DAB1: variants seen among roughly 807,000 people sequenced by gnomAD.
DAB1 encodes disabled homolog 1.
A neutral mutation model predicts 64.6 loss-of-function variants in DAB1; 15 were observed. The observed-to-expected ratio is 0.23, with a 90% CI of 0.16 to 0.36. The LOEUF (loss-of-function observed/expected upper bound fraction) is 0.36. DAB1 is among the 10% of genes least tolerant of loss of function. The pLI is 1.00. For synonymous variants in DAB1, 235 were observed against 251.9 expected, an observed-to-expected ratio of 0.93 and a Z score of 0.64; for missense variants, 596 against 706.7, an observed-to-expected ratio of 0.84 and a Z score of 1.78.
At chr1:57,100,089 G>A (rs1179696672) in intron 4 of DAB1, among the ~76,000 whole-genome samples, 5 of 152,160 alleles carry the variant, frequency 3.3e-5, no homozygotes, top group Non-Finnish European at 5.9e-5. Context: ...CAGATGACCT[G>A]GGTTCAAATC....
chr1:57,318,388 C>A (rs1456556452), intron 1 of DAB1, among the ~76,000 whole-genome samples: 2 of 152,108 alleles, frequency 1.3e-5, no homozygotes, highest in Non-Finnish European at 2.9e-5. Context: ...AATTTTACAA[C>A]TTTATGCCCT....
intron 5 of DAB1, among the ~76,000 whole-genome samples, chr1:58,075,914 T>C (rs1197383652): frequency 6.6e-6 from 1 of 151,220 alleles, no homozygotes; most frequent in Non-Finnish European, 1.5e-5. Flanking sequence ...ATTGAGAATA[T>C]CTGTTACAAG....
intron 5 of DAB1, among the ~76,000 whole-genome samples, chr1:58,133,178 T>C (rs919706267): frequency 6.6e-6 from 1 of 152,218 alleles, no homozygotes; most frequent in African/African-American, 2.4e-5. Flanking sequence ...CACAACGACT[T>C]TTTTAGTCTC....
rs1022891735 is a variant in DAB1, at chr1:58,487,636, G to A, written n.257+18424C>T. ...TTTGCTAATTTATTATGACTCTATG[G>A]GTTCTAATAGTTTTTTAAATTTGAT... On this transcript the variant is annotated intron_variant and non_coding_transcript_variant, in intron 3 of 20. Transcript: ENST00000485760. Among the ~76,000 whole-genome samples the A allele has an allele frequency of 1.2e-4, 19 of 152,050 alleles. No homozygotes were observed. The East Asian group carries it at 3.3e-3, about 26-fold the overall frequency.
At chr1:57,604,371 A>G (rs988765464) in intron 7 of DAB1, among the ~76,000 whole-genome samples, 2 of 151,764 alleles carry the variant, frequency 1.3e-5, no homozygotes, top group East Asian at 1.9e-4. Context: ...TAGAAAACTA[A>G]CAGGTTTTGA....
At chr1:57,426,876 T>TATATA (rs1383757354), upstream of DAB1, among the ~76,000 whole-genome samples, 131 of 135,056 alleles carry the variant, frequency 9.7e-4, 1 homozygote, top group African/African-American at 3.7e-3. Flanking sequence ...ATATATATAT[T>TATATA]TTTTTGAGAC....
intron 3 of DAB1, among the ~76,000 whole-genome samples, chr1:58,411,109 TG>T (rs1644663446): frequency 6.6e-6 from 1 of 152,264 alleles, no homozygotes; most frequent in Non-Finnish European, 1.5e-5. Context: ...ACTCCAGTGA[TG>T]GGGATCTCAT....
intron 2 of DAB1, among the ~76,000 whole-genome samples, chr1:57,274,738 G>A (rs549546318): frequency 2.0e-5 from 3 of 152,100 alleles, no homozygotes; most frequent in East Asian, 1.9e-4. Context: ...GCACCACCAC[G>A]CCTGACTAAT....
chr1:57,872,330 G>C (rs1484755736), intron 1 of DAB1, among the ~76,000 whole-genome samples: 1 of 152,104 alleles, frequency 6.6e-6, no homozygotes, highest in East Asian at 1.9e-4. Flanking sequence ...CTTATAAAAA[G>C]AGGCCACAAA....
At chr1:57,535,695 C>T (rs879273250) in intron 7 of DAB1, among the ~76,000 whole-genome samples, 5 of 151,866 alleles carry the variant, frequency 3.3e-5, no homozygotes, top group Non-Finnish European at 7.4e-5. Flanking sequence ...CTCCTGACCT[C>T]GTGATCCACC....
chr1:57,985,519 T>C (rs907753806), intron 5 of DAB1, among the ~76,000 whole-genome samples: 1 of 152,078 alleles, frequency 6.6e-6, no homozygotes. Flanking sequence ...TAATATACGC[T>C]TAATATGTAT....
chr1:57,982,991 T>C (rs372891100), intron 5 of DAB1, among the ~76,000 whole-genome samples: 98 of 152,332 alleles, frequency 6.4e-4, no homozygotes, highest in African/African-American at 2.2e-3. Context: ...CCTGAGGTCA[T>C]AGAGCTGTTA....
intron 4 of DAB1, among the ~76,000 whole-genome samples, chr1:58,187,322 A>C (rs1657133356): frequency 6.6e-6 from 1 of 151,226 alleles, no homozygotes; most frequent in Admixed American, 6.6e-5. Context: ...AAAAATAAAA[A>C]ATAAACTAGC....
chr1:57,655,230 C>T (rs1490171084), intron 6 of DAB1, among the ~76,000 whole-genome samples: 4 of 152,150 alleles, frequency 2.6e-5, no homozygotes, highest in East Asian at 1.9e-4. Context: ...TCTACATATC[C>T]GTCCATCCAT....
chr1:57,109,683 A>C (rs187878438), intron 4 of DAB1, among the ~76,000 whole-genome samples: 3 of 152,278 alleles, frequency 2.0e-5, no homozygotes, highest in Admixed American at 2.0e-4. Context: ...ATCCAGATGC[A>C]TTGCTCACCC....
chr1:58,166,130 G>A (rs926086073), intron 4 of DAB1, among the ~76,000 whole-genome samples: 5 of 152,150 alleles, frequency 3.3e-5, no homozygotes, highest in Admixed American at 6.5e-5. Context: ...TATACATCAA[G>A]CTAGATATGA....
chr1:58,246,419 G>C (rs1053114189), intron 4 of DAB1, among the ~76,000 whole-genome samples: 1 of 152,216 alleles, frequency 6.6e-6, no homozygotes, highest in Non-Finnish European at 1.5e-5. Flanking sequence ...GGACCTCTGA[G>C]TGGATGTCAC....
At chr1:57,086,642 TAAACACACACAC>T (rs1204848842) in intron 4 of DAB1, among the ~76,000 whole-genome samples, 2 of 74,410 alleles carry the variant, frequency 2.7e-5, no homozygotes, top group East Asian at 9.0e-4. Context: ...GGTTCTGTCT[TAAACACACACAC>T]ACACACACAC....
At chr1:57,233,283 G>A (rs1171605298) in intron 2 of DAB1, among the ~76,000 whole-genome samples, 2 of 15,410 alleles carry the variant, frequency 1.3e-4, no homozygotes, top group Non-Finnish European at 2.7e-4. Context: ...TTTTTTTTGA[G>A]ACGGAGTCTC....
Sources: allele counts gnomAD v4.1 joint callset (sites outside exome capture counted in the v4.1 genomes callset), GRCh38; gene constraint gnomAD v4.1.1; transcripts MANE v1.5; gene names NCBI Gene and HGNC (gene_info 2026-07-23, HGNC 2026-07-21).